Variants in KCNT1 observed in about 807,000 individuals in gnomAD.
KCNT1 encodes the protein potassium channel subfamily T member 1.
Under a neutral mutation model 147.8 loss-of-function variants are expected in KCNT1, and 78 were observed. The observed-to-expected ratio is 0.53, with a 90% confidence interval of 0.44 to 0.64. The LOEUF (loss-of-function observed/expected upper bound fraction) is 0.64. Among genes scored for constraint, KCNT1 ranks in the 30% least tolerant of loss-of-function variants. The probability of loss-of-function intolerance (pLI) is 0.00; values close to 1 mark genes in which losing one functional copy is unlikely to be tolerated. For missense variants in KCNT1, 1,419 were observed against 1,750.3 expected (o/e 0.81, Z 3.38); for synonymous variants, 867 against 748.8 (o/e 1.16, Z -2.58).
chr9:135,765,512 C>T (rs1264089221), intron 12 of KCNT1, 112 bp from the exon 13 acceptor site: 1 of 1,220,080 alleles, frequency 8.2e-7, no homozygotes, highest in South Asian at 1.6e-5. Flanking sequence ...TGCAAGATCA[C>T]AGTGAGCTCT....
At chr9:135,719,426 G>A (rs1448328477) in intron 2 of KCNT1, among the ~76,000 whole-genome samples, 1 of 152,180 alleles carries the variant, frequency 6.6e-6, no homozygotes, top group Admixed American at 6.5e-5. Flanking sequence ...TCAGGAAGAT[G>A]CTGTGTATGT....
At chr9:135,769,389 G>C (rs1832588295) in intron 15 of KCNT1, among the ~76,000 whole-genome samples, 1 of 152,172 alleles carries the variant, frequency 6.6e-6, no homozygotes, top group Non-Finnish European at 1.5e-5. Context: ...GGAGGGGCTG[G>C]CCCTGGAGCT....
chr9:135,704,458 C>T (rs1015994163), intron 1 of KCNT1, among the ~76,000 whole-genome samples: 4 of 152,156 alleles, frequency 2.6e-5, no homozygotes, highest in Admixed American at 6.5e-5. Context: ...GGGGTCTTCA[C>T]GGGCCTCTGG....
chr9:135,784,504 TCCCTCC>T lies in KCNT1; in HGVS notation c.2944-29_2944-24del, dbSNP rs764140738. On this transcript the variant is annotated intron_variant, in intron 25 of 30. Transcript: ENST00000371757. Reference sequence around the variant, plus strand: ...GTGGCTCCCTCCCTCCCTCCCTCCCTCCCTCCCTCCCTCCCTCCCTCCCTGGCCAGT... The same window carrying T: ...GTGGCTCCCTCCCTCCCTCCCTCCCTCTCCCTCCCTCCCTCCCTGGCCAGT... 37 of 180,126 alleles carry T rather than the reference TCCCTCC, an allele frequency of 2.1e-4. 1 individual carries two copies. The highest frequency in any genetic ancestry group is 3.8e-4 in the Non-Finnish European group (37 of 97,298). 11.2% of individuals were successfully genotyped at this position (180,126 alleles called of 1,614,324 possible). A position where few individuals can be genotyped will look rare whatever the true frequency, so the allele number is the denominator to read the frequency against.
At chr9:135,747,783 C>A (rs113703055) in intron 2 of KCNT1, among the ~76,000 whole-genome samples, 3,913 of 152,184 alleles carry the variant, frequency 0.026, 79 homozygotes, top group Admixed American at 0.04. Flanking sequence ...CTGTGGGAGG[C>A]TTGTCCCACT....
In KCNT1 at chr9:135,765,726, T is replaced by C; in HGVS notation, c.1303T>C (p.Ser435Pro). 1 of 1,608,402 alleles carries C rather than the reference T, an allele frequency of 6.2e-7. No individual in the cohort carries two copies. The highest frequency in any genetic ancestry group is 8.5e-7 in the Non-Finnish European group (1 of 1,176,792). Residue 435 changes from serine (S) to proline (P), a missense_variant, in exon 13 of 31, where the codon TCT becomes CCT. By Grantham distance (74) the Ser-to-Pro change is moderately conservative. Coordinates refer to ENST00000371757, the MANE Select transcript of KCNT1 (RefSeq NM_020822.3). ...CCAGCGGGTCATCTACCTCCAGGGC[T>C]CTGCACTCAAAGACCAGGACCTCAT... Reference protein sequence around the residue: ...WSQRVIYLQGSALKDQDLMRA... With the variant: ...WSQRVIYLQGPALKDQDLMRA...
Position 135,792,138 on chromosome 9 carries a change from A to T in KCNT1, c.3685A>T (p.Thr1229Ser). ...SHKLSSCNPE[T>S]RDETQL ...CAAGCTGTCGTCCTGCAACCCCGAG[A>T]CTCGCGACGAGACACAGCTCTGAGC... Residue 1229 changes from threonine to serine, a missense_variant, in exon 31 of 31, where the codon ACT (threonine) becomes TCT (serine). This residue lies in a region of KCNT1 where 306 missense variants were observed against 294.2 expected (regional missense o/e 1.04). Transcript: ENST00000371757. 6.2e-7 allele frequency: 1 copy of T among 1,605,654 alleles called. No individual in the cohort carries two copies. Among genetic ancestry groups the T allele is most frequent in the Non-Finnish European group, 8.5e-7 (1 of 1,179,564 alleles).
chr9:135,721,971 G>C (rs570258758), intron 2 of KCNT1, among the ~76,000 whole-genome samples: 1 of 152,274 alleles, frequency 6.6e-6, no homozygotes, highest in East Asian at 1.9e-4. Context: ...CCCTCCCTCC[G>C]ACGGTGGGTT....
At chr9:135,772,611 A>G (rs1372741702) in intron 18 of KCNT1, 104 bp from the exon 19 acceptor site, 4 of 796,562 alleles carry the variant, frequency 5.0e-6, no homozygotes, top group Non-Finnish European at 7.2e-6. Flanking sequence ...GAGCCAGGCC[A>G]TGACAGGGTC....
chr9:135,717,554 C>T (rs1403645719), intron 2 of KCNT1, among the ~76,000 whole-genome samples: 4 of 152,110 alleles, frequency 2.6e-5, no homozygotes, highest in South Asian at 2.1e-4. Flanking sequence ...CAGGAGTGGG[C>T]AACTTTCCGG....
chr9:135,748,909 C>T (rs929277651), intron 2 of KCNT1, among the ~76,000 whole-genome samples: 3 of 152,060 alleles, frequency 2.0e-5, no homozygotes, highest in Non-Finnish European at 2.9e-5. Flanking sequence ...CTAAGGCAGC[C>T]GACTGATAGG....
intron 11 of KCNT1, among the ~76,000 whole-genome samples, chr9:135,763,363 C>T (rs538761846): frequency 1.3e-4 from 20 of 152,340 alleles, no homozygotes; most frequent in Non-Finnish European, 2.9e-4. Context: ...GTGATGACCC[C>T]GAGGCCCTCG....
intron 24 of KCNT1, among the ~76,000 whole-genome samples, chr9:135,780,554 G>A (rs1020347381): frequency 1.3e-5 from 2 of 152,234 alleles, no homozygotes; most frequent in Non-Finnish European, 2.9e-5. Context: ...AGGAGGCCGG[G>A]CTGGGCAGCC....
At chr9:135,772,681 T>C in intron 18 of KCNT1, 34 bp from the exon 19 acceptor site, 2 of 1,340,720 alleles carry the variant, frequency 1.5e-6, no homozygotes, top group Non-Finnish European at 1.9e-6. Context: ...AGGGTGGGAG[T>C]CGGGCTGTGG....
chr9:135,727,388 C>CCT (rs1436168444), intron 2 of KCNT1, among the ~76,000 whole-genome samples: 14 of 124,750 alleles, frequency 1.1e-4, no homozygotes, highest in Non-Finnish European at 8.6e-5. Context: ...CCTCTCTCTC[C>CCT]CTCTCTCTCC....
chr9:135,725,868 C>T (rs1010354682), intron 2 of KCNT1, among the ~76,000 whole-genome samples: 9 of 152,162 alleles, frequency 5.9e-5, no homozygotes, highest in Non-Finnish European at 1.0e-4. Context: ...GCAGAAATGC[C>T]GGAAAAGAGG....
intron 24 of KCNT1, among the ~76,000 whole-genome samples, chr9:135,779,704 G>A (rs1247584972): frequency 1.3e-5 from 2 of 152,250 alleles, no homozygotes; most frequent in Admixed American, 6.5e-5. Flanking sequence ...CTGGGAATGT[G>A]GCCCATAGCA....
chr9:135,712,253 T>A (rs1835531402), intron 1 of KCNT1, among the ~76,000 whole-genome samples: 1 of 151,760 alleles, frequency 6.6e-6, no homozygotes, highest in African/African-American at 2.4e-5. Flanking sequence ...GTCCAGAGAG[T>A]AGTGTAAGGG....
At chr9:135,724,624 A>G (rs1836056390) in intron 2 of KCNT1, among the ~76,000 whole-genome samples, 1 of 152,260 alleles carries the variant, frequency 6.6e-6, no homozygotes, top group African/African-American at 2.4e-5. Flanking sequence ...TGACTGTCAG[A>G]TAAACAGTGA....
Sources: allele counts gnomAD v4.1 joint callset (sites outside exome capture counted in the v4.1 genomes callset), GRCh38; gene constraint gnomAD v4.1.1; regional missense constraint gnomAD v4.1.1; transcripts MANE v1.5; gene names NCBI Gene and HGNC (gene_info 2026-07-23, HGNC 2026-07-21).